GGCX: variants seen among roughly 807,000 people sequenced by gnomAD.
The protein encoded by GGCX is gamma-glutamyl carboxylase.
In GGCX, 63 loss-of-function variants were observed where a neutral mutation model predicts 88.5. The ratio of observed to expected loss-of-function variants is 0.71; its 90% CI spans 0.58 to 0.88. The LOEUF (loss-of-function observed/expected upper bound fraction) is 0.88, where lower values mean the gene tolerates loss of function less well. Among genes scored for constraint, GGCX ranks in the 40% least tolerant of loss-of-function variants. The pLI, the probability that GGCX is intolerant of heterozygous loss-of-function variation, is 0.00. For missense variants in GGCX, 805 were observed against 932.9 expected (o/e 0.86, Z 1.79); for synonymous variants, 368 against 365.8 (o/e 1.01, Z -0.07).
Position 85,550,584 on chromosome 2 carries a change from C to G in GGCX, c.2055G>C (p.Leu685Phe). 2 of 1,614,064 alleles carry G rather than the reference C, an allele frequency of 1.2e-6. No homozygotes were observed. Among genetic ancestry groups the G allele is most frequent in the African/African-American group, 1.3e-5 (1 of 75,044 alleles). ...GGCGAAAGACATAGAGCTTTCGCAA[C>G]AAGAAGCGGAAGAATCGCTCATGGA... ...TPFHERFFRF[L>F]LRKLYVFRRS... is the part of the protein sequence containing the mutation. The change falls in exon 14 of 15, where the codon TTG becomes TTC. Residue 685 changes from leucine (L) to phenylalanine (F), a missense_variant. Leu to Phe is a conservative substitution (Grantham distance 22, BLOSUM62 0). Around this residue, in one of 3 missense-constraint regions of GGCX, gnomAD observed 680 missense variants for 763.7 expected, o/e 0.89. Transcript: ENST00000233838.
At position 85,555,525 on chromosome 2, in the gene GGCX, G is replaced by T; in HGVS notation, c.684C>A (p.Ser228=). ...GCCAGTGCCGGGACAAATATTCCAT[G>T]GAATAGCCTTCAACCCAGTCTGCAT... is the stretch of plus-strand genomic sequence containing the variant. ...KLDADWVEGY[S]MEYLSRHWLF... Residue 228 remains serine (S), a synonymous_variant, in exon 6 of 15, where the codon TCC becomes TCA. Coordinates refer to ENST00000233838, the MANE Select transcript of GGCX (RefSeq NM_000821.7). 1 of 1,606,074 alleles carries T rather than the reference G, an allele frequency of 6.2e-7. No individual in the cohort carries two copies.
Position 85,544,750 on chromosome 2 carries a change from A to C in GGCX, c.*5184T>G, listed in dbSNP as rs1459501859. The C allele has an allele frequency of 6.6e-6, 1 of 152,636 alleles. No homozygotes were observed. The highest frequency in any genetic ancestry group is 2.1e-4 in the South Asian group (1 of 4,826). The allele number at this position is 152,636 out of a possible 1,614,324, so 9.5% of individuals were successfully genotyped here. A position where few individuals can be genotyped will look rare whatever the true frequency, so the allele number is the denominator to read the frequency against. ...TTAACTTTGTTTTATTTTCAAAACC[A>C]GGTCCAATGAGCTTTCTGAACAGCT... On this transcript the variant is annotated 3_prime_UTR_variant, in exon 15 of 15. Transcript: ENST00000233838.
At chr2:85,556,317 A>G (rs1170168535) in intron 4 of GGCX, 57 bp from the exon 5 acceptor site, 6 of 1,040,424 alleles carry the variant, frequency 5.8e-6, no homozygotes, top group Non-Finnish European at 9.1e-6. Context: ...CTACATCTCC[A>G]TCCTTCCTTT....
At chr2:85,558,327 G>T in intron 4 of GGCX, 113 bp downstream of exon 4, 1 of 926,270 alleles carries the variant, frequency 1.1e-6, no homozygotes, top group Non-Finnish European at 1.8e-6. Context: ...AAGTGACCTT[G>T]TAACCATACT....
rs1304810890 is a variant in GGCX at position 85,548,561 on chromosome 2, AAGG to A, written c.*1370_*1372del. 1 of 152,238 alleles carries A rather than the reference AAGG, an allele frequency of 6.6e-6. No homozygotes were observed. Among genetic ancestry groups the A allele is most frequent in the Non-Finnish European group, 1.5e-5 (1 of 68,052 alleles). The allele number at this position is 152,238 out of a possible 1,614,324, so 9.4% of individuals were successfully genotyped here. On this transcript the variant is annotated 3_prime_UTR_variant, in exon 15 of 15. Coordinates refer to ENST00000233838, the MANE Select transcript of GGCX (RefSeq NM_000821.7). Reference sequence around the variant, plus strand: ...GGAAAGAACCCCCGGAACACTGTCCAAGGAGGAGTGGGGGAGAGTATGGGAAGA... The same window carrying A: ...GGAAAGAACCCCCGGAACACTGTCCAAGGAGTGGGGGAGAGTATGGGAAGA...
chr2:85,561,439 A>T lies in GGCX; in HGVS notation c.-11T>A. The T allele has an allele frequency of 6.4e-7, 1 of 1,565,996 alleles. No individual in the cohort carries two copies. The highest frequency in any genetic ancestry group is 8.7e-7 in the Non-Finnish European group (1 of 1,154,848). ...GGCAGACACCGCCATTGCTCTGCGG[A>T]GGAGGCAGGTGGGTCACAGCTGCCG... On this transcript the variant is annotated 5_prime_UTR_variant, in exon 1 of 15. Coordinates refer to ENST00000233838, the MANE Select transcript of GGCX (RefSeq NM_000821.7).
In GGCX at chr2:85,545,497, A is replaced by G. The variant is rs1437942391; in HGVS notation, c.*4437T>C. On this transcript the variant is annotated 3_prime_UTR_variant, in exon 15 of 15. Transcript: ENST00000233838. ...AATAACCTGAGAATACTATATGTGTATCTTTAACCTTGAATTGTAATCCAT... is the reference window on the plus strand; with the variant it reads ...AATAACCTGAGAATACTATATGTGTGTCTTTAACCTTGAATTGTAATCCAT... 6.6e-6 allele frequency: 1 copy of G among 152,224 alleles called. No individual in the cohort carries two copies. Among genetic ancestry groups the G allele is most frequent in the Non-Finnish European group, 1.5e-5 (1 of 68,046 alleles). The allele number at this position is 152,224 out of a possible 1,614,324, so 9.4% of individuals were successfully genotyped here. A position where few individuals can be genotyped will look rare whatever the true frequency, so the allele number is the denominator to read the frequency against.
chr2:85,558,427 C>T lies in GGCX; in HGVS notation c.539+13G>A. On this transcript the variant is annotated intron_variant, in intron 4 of 14. Coordinates refer to ENST00000233838, the MANE Select transcript of GGCX (RefSeq NM_000821.7). ...CCAGCCAACCCCTCCCCTTTGTCCC[C>T]CCTGACTCATACCAGTAGTGGTTTG... 1 of 1,611,902 alleles carries T rather than the reference C, an allele frequency of 6.2e-7. No homozygotes were observed. The highest frequency in any genetic ancestry group is 8.5e-7 in the Non-Finnish European group (1 of 1,177,936).
At position 85,556,199 on chromosome 2, in the gene GGCX, C is replaced by T. The variant is rs932944805; in HGVS notation, c.601G>A (p.Ala201Thr). Residue 201 changes from alanine (A) to threonine (T), a missense_variant, in exon 5 of 15, where the codon GCA (alanine) becomes ACA (threonine). By Grantham distance (58) the Ala-to-Thr change is moderately conservative. Transcript: ENST00000233838. ...TGCTGTACCTGGCCACGGAGCACTG[C>T]ATAGTTCCAAAGGGGCACGTGGGCA... is the stretch of plus-strand genomic sequence containing the variant. ...RNAHVPLWNY[A>T]VLRGQIFIVY... The T allele has an allele frequency of 6.2e-7, 1 of 1,611,160 alleles. No homozygotes were observed. Among genetic ancestry groups the T allele is most frequent in the Non-Finnish European group, 8.5e-7 (1 of 1,177,272 alleles).
At chr2:85,553,836 G>A (rs1445274936) in intron 7 of GGCX, 1 of 470,742 alleles carries the variant, frequency 2.1e-6, no homozygotes, top group African/African-American at 2.0e-5. Flanking sequence ...CCTGACCTCA[G>A]GTGATCCACC....
At chr2:85,552,280 A>C in intron 10 of GGCX, 136 bp downstream of exon 10, 1 of 910,934 alleles carries the variant, frequency 1.1e-6, no homozygotes, top group Non-Finnish European at 1.8e-6. Context: ...AGCTATGCCC[A>C]CAACCAGATC....
At position 85,547,651 on chromosome 2, in the gene GGCX, A is replaced by G. The variant is rs887724196; in HGVS notation, c.*2283T>C. On this transcript the variant is annotated 3_prime_UTR_variant, in exon 15 of 15. Transcript: ENST00000233838. ...TTCTATTGTGTTACTATGAGAGAAG[A>G]TCTGCAAAAGGATTGAAAATCAGCA... is the stretch of plus-strand genomic sequence containing the variant. 3.3e-5 allele frequency: 5 copies of G among 152,210 alleles called. No homozygotes were observed. The highest frequency in any genetic ancestry group is 1.2e-4 in the African/African-American group (5 of 41,448). 9.4% of individuals were successfully genotyped at this position (152,210 alleles called of 1,614,324 possible). A position where few individuals can be genotyped will look rare whatever the true frequency, so the allele number is the denominator to read the frequency against.
intron 6 of GGCX, 50 bp downstream of exon 6, chr2:85,555,434 C>A (rs1692167998): frequency 1.1e-6 from 1 of 932,754 alleles, no homozygotes. Flanking sequence ...GATGAGTCAC[C>A]TGCTCTGTAC....
chr2:85,555,350 T>C (rs1038711952), intron 6 of GGCX, 134 bp downstream of exon 6: 4 of 665,262 alleles, frequency 6.0e-6, no homozygotes, highest in East Asian at 5.6e-5. Flanking sequence ...TTCTGCTGAA[T>C]AGGGAAATGA....
In GGCX at chr2:85,550,750, T is replaced by A. The variant is rs868618662; in HGVS notation, c.1889A>T (p.Glu630Val). Reference protein sequence around the residue: ...ELKEKVENGSETGPLPPELQP... With the variant: ...ELKEKVENGSVTGPLPPELQP... ...CAGCTCTGGGGGTAGAGGCCCTGTT[T>A]CTGCCCGGAAGACAGAAAAAAGAGG... Residue 630 changes from glutamate (E) to valine (V), a missense_variant and splice_region_variant, in exon 14 of 15, where the codon GAA becomes GTA. Around this residue, in one of 3 missense-constraint regions of GGCX, gnomAD observed 680 missense variants for 763.7 expected, o/e 0.89. Coordinates refer to ENST00000233838, the MANE Select transcript of GGCX (RefSeq NM_000821.7). 1.2e-6 allele frequency: 2 copies of A among 1,613,658 alleles called. No individual in the cohort carries two copies. The highest frequency in any genetic ancestry group is 1.7e-6 in the Non-Finnish European group (2 of 1,179,988).
chr2:85,555,943 CTT>C (rs1439503691), intron 5 of GGCX, among the ~76,000 whole-genome samples: 29 of 152,330 alleles, frequency 1.9e-4, no homozygotes, highest in Admixed American at 2.0e-4. Context: ...AATCCTTTCT[CTT>C]TGTCATGAGG....
rs772555989 is a variant in GGCX, at chr2:85,551,858, G to A, written c.1563C>T (p.Ser521=). Residue 521 remains serine, a synonymous_variant, in exon 11 of 15, where the codon AGC becomes AGT. Coordinates refer to ENST00000233838, the MANE Select transcript of GGCX (RefSeq NM_000821.7). ...CCACCTCAGTGTGGTTGTCTAGGCTGCTCTTGATTTCCTGTAACTTGGCCC... is the reference window on the plus strand; with the variant it reads ...CCACCTCAGTGTGGTTGTCTAGGCTACTCTTGATTTCCTGTAACTTGGCCC... ...PWRAKLQEIK[S]SLDNHTEVVF... 1.2e-6 allele frequency: 2 copies of A among 1,613,812 alleles called. No individual in the cohort carries two copies. The highest frequency in any genetic ancestry group is 8.5e-7 in the Non-Finnish European group (1 of 1,179,660).
rs183528132 is a variant in GGCX, at chr2:85,545,846, A to G, written c.*4088T>C. On this transcript the variant is annotated 3_prime_UTR_variant, in exon 15 of 15. Coordinates refer to ENST00000233838, the MANE Select transcript of GGCX (RefSeq NM_000821.7). Reference sequence around the variant, plus strand: ...GGTTGTATGATGTTTTCATCTGAGAAGTTCTGAAACGTGATTTCTAGTCAA... The same window carrying G: ...GGTTGTATGATGTTTTCATCTGAGAGGTTCTGAAACGTGATTTCTAGTCAA... 2 of 152,354 alleles carry G rather than the reference A, an allele frequency of 1.3e-5. No homozygotes were observed. The highest frequency in any genetic ancestry group is 4.8e-5 in the African/African-American group (2 of 41,564). 9.4% of individuals were successfully genotyped at this position (152,354 alleles called of 1,614,324 possible).
chr2:85,551,035 G>A lies in GGCX; in HGVS notation c.1778C>T (p.Ser593Leu). The change falls in exon 13 of 15, where the codon TCA becomes TTA. Residue 593 changes from serine to leucine, a missense_variant. This residue lies in a region of GGCX where 680 missense variants were observed against 763.7 expected (regional missense o/e 0.89). Transcript: ENST00000233838. Reference protein sequence around the residue: ...AGEYHKVYTTSPSPSCYMYVY... With the variant: ...AGEYHKVYTTLPSPSCYMYVY... ...GTACATGTAGCAAGAAGGGCTAGGT[G>A]ATGTCGTATACACCTTATGGTACTC... 6.2e-7 allele frequency: 1 copy of A among 1,613,714 alleles called. No individual in the cohort carries two copies. The highest frequency in any genetic ancestry group is 1.3e-5 in the African/African-American group (1 of 75,052).
Sources: allele counts gnomAD v4.1 joint callset (sites outside exome capture counted in the v4.1 genomes callset), GRCh38; gene constraint gnomAD v4.1.1; regional missense constraint gnomAD v4.1.1; transcripts MANE v1.5; gene names NCBI Gene and HGNC (gene_info 2026-07-23, HGNC 2026-07-21).